Variants in C17orf67 observed in about 807,000 individuals in gnomAD.
C17orf67 encodes uncharacterized protein C17orf67.
C17orf67 carries 12 observed loss-of-function variants against 11.2 expected under a neutral mutation model. The observed-to-expected ratio is 1.07, with a 90% CI of 0.68 to 1.73. C17orf67 has a LOEUF of 1.73. C17orf67 is among the 40% of genes most tolerant of loss of function. C17orf67 has a pLI of 0.00. For synonymous variants in C17orf67, 59 were observed against 46.9 expected (o/e 1.26, Z -1.05); for missense variants, 115 against 113.5 (o/e 1.01, Z -0.06).
chr17:56,829,206 G>A (rs1906124300), intron 2 of C17orf67, among the ~76,000 whole-genome samples: 1 of 152,140 alleles, frequency 6.6e-6, no homozygotes, highest in Non-Finnish European at 1.5e-5. Context: ...AACCTGGGAG[G>A]TGGAGATTGC....
At chr17:56,811,850 T>G (rs1415882920) in intron 6 of C17orf67, among the ~76,000 whole-genome samples, 1 of 152,236 alleles carries the variant, frequency 6.6e-6, no homozygotes, top group Non-Finnish European at 1.5e-5. Context: ...GCTTTCTAAA[T>G]GCTTTTATGT....
intron 4 of C17orf67, 27 bp downstream of exon 4, chr17:56,824,712 C>G (rs1192530700): frequency 6.6e-6 from 1 of 152,346 alleles, no homozygotes; most frequent in Non-Finnish European, 1.5e-5. Context: ...AATCCAGACT[C>G]TGTCCCAAAG....
chr17:56,827,395 T>C (rs1416069230), intron 2 of C17orf67, among the ~76,000 whole-genome samples: 2 of 152,232 alleles, frequency 1.3e-5, no homozygotes, highest in Non-Finnish European at 2.9e-5. Flanking sequence ...CCATGGTTAC[T>C]AGGCAGAGCC....
At chr17:56,796,322 A>G (rs1905213222) in intron 6 of C17orf67, among the ~76,000 whole-genome samples, 2 of 152,258 alleles carry the variant, frequency 1.3e-5, no homozygotes, top group Admixed American at 1.3e-4. Flanking sequence ...GTGGATAAAT[A>G]AAATATGCTA....
At position 56,795,140 on chromosome 17, in the gene C17orf67, T is replaced by G. The variant is rs764445602; in HGVS notation, c.197A>C (p.Glu66Ala). ...CAGCCAGTGCTCCAGGAACTGCTCC[T>G]CAGCGCGATGCTCCAGGGCGAGCAG... ...HHLLALEHRA[E>A]EQFLEHWLNP... is the part of the protein sequence containing the mutation. Residue 66 changes from glutamate to alanine, a missense_variant, in exon 7 of 8, where the codon GAG (glutamate) becomes GCG (alanine). Coordinates refer to ENST00000397861, the MANE Select transcript of C17orf67 (RefSeq NM_001085430.4). 6.2e-7 allele frequency: 1 copy of G among 1,614,180 alleles called. No homozygotes were observed. The highest frequency in any genetic ancestry group is 1.7e-5 in the Admixed American group (1 of 60,030).
chr17:56,809,763 C>T (rs1905553641), intron 6 of C17orf67, among the ~76,000 whole-genome samples: 1 of 146,456 alleles, frequency 6.8e-6, no homozygotes, highest in African/African-American at 2.5e-5. Context: ...TCACACACAC[C>T]CCTCTACACA....
chr17:56,827,947 C>T (rs768088305), intron 2 of C17orf67, among the ~76,000 whole-genome samples: 1 of 152,210 alleles, frequency 6.6e-6, no homozygotes, highest in East Asian at 1.9e-4. Flanking sequence ...TGGCTCACAC[C>T]TGTAATCCCA....
Position 56,810,419 on chromosome 17 carries a change from C to T in C17orf67, c.156+4450G>A, listed in dbSNP as rs965263943. Among the ~76,000 whole-genome samples, 3 of 151,398 alleles carry T rather than the reference C, an allele frequency of 2.0e-5. No individual in the cohort carries two copies. The South Asian group carries it at 6.3e-4, about 32-fold the overall frequency. ...ATGCACAAACCCCTCACACACACCC[C>T]TCACACACACCCTCATACATACCCT... On this transcript the variant is annotated intron_variant, in intron 6 of 7. Transcript: ENST00000397861.
At chr17:56,824,982 T>G (rs1905990778) in intron 3 of C17orf67, 99 bp downstream of exon 3, 3 of 152,236 alleles carry the variant, frequency 2.0e-5, no homozygotes, top group Admixed American at 2.0e-4. Flanking sequence ...AACCAGGTTT[T>G]TACTATTATT....
At chr17:56,823,690 A>C (rs1905959816) in intron 4 of C17orf67, among the ~76,000 whole-genome samples, 1 of 152,248 alleles carries the variant, frequency 6.6e-6, no homozygotes, top group Non-Finnish European at 1.5e-5. Context: ...AGAGAAAAAC[A>C]TATTTTTAAA....
At chr17:56,817,046 G>T (rs1330462245) in intron 4 of C17orf67, among the ~76,000 whole-genome samples, 1 of 152,090 alleles carries the variant, frequency 6.6e-6, no homozygotes, top group Non-Finnish European at 1.5e-5. Context: ...TGTAGAGACA[G>T]GGTCTCACTA....
At chr17:56,796,194 T>C (rs1357843801) in intron 6 of C17orf67, among the ~76,000 whole-genome samples, 1 of 152,220 alleles carries the variant, frequency 6.6e-6, no homozygotes, top group Non-Finnish European at 1.5e-5. Context: ...CTTGTAGGTA[T>C]ATACCCAAGA....
chr17:56,792,386 T>C (rs938417849), intron 7 of C17orf67, 34 bp from the exon 8 acceptor site: 2 of 152,234 alleles, frequency 1.3e-5, no homozygotes, highest in Non-Finnish European at 2.9e-5. Flanking sequence ...ATTAGGATAA[T>C]GATAATGATT....
rs545059786 is a variant in C17orf67, at chr17:56,815,600, T to C, written c.55+156A>G. On this transcript the variant is annotated intron_variant, in intron 5 of 7. Transcript: ENST00000397861. Reference sequence around the variant, plus strand: ...ATATAACATCTTTAATGATAAAAATTCTGGAAGCCTACTCTTATGGAAAAA... The same window carrying C: ...ATATAACATCTTTAATGATAAAAATCCTGGAAGCCTACTCTTATGGAAAAA... Among the ~76,000 whole-genome samples, 5 of 152,136 alleles carry C rather than the reference T, an allele frequency of 3.3e-5. No homozygotes were observed. In the East Asian group the frequency reaches 9.6e-4, roughly 29 times the overall value.
rs1905246537 is a variant in C17orf67 at position 56,798,111 on chromosome 17, A to C, written c.157-2931T>G. 2.0e-5 allele frequency among the ~76,000 whole-genome samples: 3 copies of C among 151,444 alleles called. No homozygotes were observed. The South Asian group carries it at 6.3e-4, about 32-fold the overall frequency. On this transcript the variant is annotated intron_variant, in intron 6 of 7. Transcript: ENST00000397861. ...CTAGTTAAGCAAGAAGCTTCAGCGC[A>C]CTCCTCTTCCTTGCCCTCCCACCAT...
At chr17:56,796,105 C>T (rs1432991119) in intron 6 of C17orf67, among the ~76,000 whole-genome samples, 1 of 152,150 alleles carries the variant, frequency 6.6e-6, no homozygotes, top group Admixed American at 6.5e-5. Context: ...AATAGAGAAG[C>T]ATTTTGTAAA....
At chr17:56,820,350 G>A (rs1905868753) in intron 4 of C17orf67, among the ~76,000 whole-genome samples, 1 of 152,184 alleles carries the variant, frequency 6.6e-6, no homozygotes, top group Non-Finnish European at 1.5e-5. Context: ...GGGCCGTGGT[G>A]GCTGGAGCGT....
In C17orf67 at chr17:56,798,838, AAGAT is replaced by A. The variant is rs757065038; in HGVS notation, c.157-3662_157-3659del. Among the ~76,000 whole-genome samples, 4 of 152,288 alleles carry A rather than the reference AAGAT, an allele frequency of 2.6e-5. No individual in the cohort carries two copies. In the South Asian group the frequency reaches 6.2e-4, roughly 24 times the overall value. ...GACAGTACGAGCCTTTGTCTCAAAA[AAGAT>A]AAATAAACACAAATAAAAATAAAAG... On this transcript the variant is annotated intron_variant, in intron 6 of 7. Coordinates refer to ENST00000397861, the MANE Select transcript of C17orf67 (RefSeq NM_001085430.4).
At chr17:56,824,332 C>T (rs908628183) in intron 4 of C17orf67, among the ~76,000 whole-genome samples, 4 of 152,216 alleles carry the variant, frequency 2.6e-5, no homozygotes, top group African/African-American at 9.6e-5. Context: ...TCACCAGAGG[C>T]TGCCACCATG....
Sources: gnomAD v4.1 joint callset for allele counts (sites outside exome capture counted in the v4.1 genomes callset) on GRCh38, gnomAD v4.1.1 for gene constraint, MANE v1.5 for transcripts, NCBI Gene and HGNC (gene_info 2026-07-23, HGNC 2026-07-21) for gene names.